The following KCNQ1 variants were observed in gnomAD, a reference collection of about 807,000 sequenced individuals.
The protein encoded by KCNQ1 is potassium voltage-gated channel subfamily KQT member 1.
Under a neutral mutation model 72.4 loss-of-function variants are expected in KCNQ1, and 49 were observed. The observed-to-expected ratio is 0.68, with a 90% CI of 0.54 to 0.86. KCNQ1 has a LOEUF of 0.86. Ranked by LOEUF, KCNQ1 falls within the 40% of genes least tolerant of loss-of-function variation. KCNQ1 has a pLI of 0.00. For synonymous variants in KCNQ1, 450 were observed against 412.6 expected (o/e 1.09, Z -1.10); for missense variants, 790 against 945.1 (o/e 0.84, Z 2.15).
rs527870400 is a variant in KCNQ1 at position 2,760,962 on chromosome 11, G to A, written c.1515-7882G>A. Among the ~76,000 whole-genome samples, 15 of 152,332 alleles carry A rather than the reference G, an allele frequency of 9.8e-5. No individual in the cohort carries two copies. In the South Asian group the frequency reaches 2.3e-3, roughly 23 times the overall value. On this transcript the variant is annotated intron_variant, in intron 11 of 15. Coordinates refer to ENST00000155840, the MANE Select transcript of KCNQ1 (RefSeq NM_000218.3). ...TTACAGGGTGCTCTTTAGTTTAGCC[G>A]TCCATAGACAGCTTGCGTTAGTCAG...
In KCNQ1 at chr11:2,516,781, A is replaced by G. The variant is rs1458810042; in HGVS notation, c.387-11147A>G. ...GGCCACCTGCCCCACCACGCCTAGG[A>G]CATTTCCTCTCTGGCCCAGAGGTGT... On this transcript the variant is annotated intron_variant, in intron 1 of 15. Coordinates refer to ENST00000155840, the MANE Select transcript of KCNQ1 (RefSeq NM_000218.3). This position sits in a 1 kb window ranked among gnomAD's most constrained non-coding sequence, Gnocchi z 7.0. Among the ~76,000 whole-genome samples the G allele has an allele frequency of 6.6e-6, 1 of 152,134 alleles. No individual in the cohort carries two copies. The highest frequency in any genetic ancestry group is 1.5e-5 in the Non-Finnish European group (1 of 68,018).
At position 2,537,185 on chromosome 11, in the gene KCNQ1, C is replaced by A. The variant is rs1487699335; in HGVS notation, c.477+9167C>A. ...AAACCATGGCCCACAGGGTGGCTCC[C>A]TGTGTGTGTAAATAAAGCTTTATTA... On this transcript the variant is annotated intron_variant, in intron 2 of 15. Transcript: ENST00000155840. The surrounding 1 kb of genome is among the most constrained non-coding windows in gnomAD (Gnocchi z 5.2). Among the ~76,000 whole-genome samples the A allele has an allele frequency of 1.3e-5, 2 of 151,956 alleles. No individual in the cohort carries two copies. The highest frequency in any genetic ancestry group is 2.9e-5 in the Non-Finnish European group (2 of 68,020).
Position 2,809,751 on chromosome 11 carries a change from A to G in KCNQ1, c.1794+31714A>G, listed in dbSNP as rs553487556. Reference sequence around the variant, plus strand: ...ACTCCAGGCCAGAGCCCTTCTCTCAAATCCCCTTTGGTTCTAGCCATGTTT... The same window carrying G: ...ACTCCAGGCCAGAGCCCTTCTCTCAGATCCCCTTTGGTTCTAGCCATGTTT... On this transcript the variant is annotated intron_variant, in intron 15 of 15. Transcript: ENST00000155840. The surrounding 1 kb of genome is among the most constrained non-coding windows in gnomAD (Gnocchi z 7.1). Among the ~76,000 whole-genome samples the G allele has an allele frequency of 1.3e-5, 2 of 152,192 alleles. No individual in the cohort carries two copies. The highest frequency in any genetic ancestry group is 2.1e-4 in the South Asian group (1 of 4,826).
At chr11:2,532,935 C>T (rs966667786) in intron 2 of KCNQ1, among the ~76,000 whole-genome samples, 2 of 152,106 alleles carry the variant, frequency 1.3e-5, no homozygotes, top group Non-Finnish European at 2.9e-5. Flanking sequence ...TGGGGCCAGG[C>T]GGCGGGAAGG....
intron 11 of KCNQ1, among the ~76,000 whole-genome samples, chr11:2,729,733 CG>C (rs1299441664): frequency 6.6e-6 from 1 of 152,098 alleles, no homozygotes; most frequent in African/African-American, 2.4e-5. Flanking sequence ...CATTTCGTAT[CG>C]GGGGCTTGAG....
Position 2,781,623 on chromosome 11 carries a change from C to T in KCNQ1, c.1794+3586C>T, listed in dbSNP as rs1251958852. The stretch of plus-strand genomic sequence containing the variant: ...TCTGAGGAATCGATGGCAGAGGCCG[C>T]TCCAGCCCTCCTCCCCCAGCAAGTA... On this transcript the variant is annotated intron_variant, in intron 15 of 15. Transcript: ENST00000155840. The surrounding 1 kb of genome is among the most constrained non-coding windows in gnomAD (Gnocchi z 6.6). 6.6e-6 allele frequency among the ~76,000 whole-genome samples: 1 copy of T among 152,244 alleles called. No individual in the cohort carries two copies. The highest frequency in any genetic ancestry group is 1.5e-5 in the Non-Finnish European group (1 of 68,034).
In KCNQ1 at chr11:2,691,056, A is replaced by G. The variant is rs7939976; in HGVS notation, c.1514+28975A>G. The G allele has an allele frequency of 0.19, 74,389 of 398,444 alleles. 7,702 individuals carry two copies. Among genetic ancestry groups the G allele is most frequent in the African/African-American group, 0.3 (14,445 of 48,648 alleles). The allele number at this position is 398,444 out of a possible 1,614,324, so 24.7% of individuals were successfully genotyped here. A position where few individuals can be genotyped will look rare whatever the true frequency, so the allele number is the denominator to read the frequency against. On this transcript the variant is annotated intron_variant, in intron 11 of 15. Coordinates refer to ENST00000155840, the MANE Select transcript of KCNQ1 (RefSeq NM_000218.3). The surrounding 1 kb of genome is among the most constrained non-coding windows in gnomAD (Gnocchi z 6.4). The stretch of plus-strand genomic sequence containing the variant: ...GTATCAGGATATGCTGGGTGAGGGA[A>G]ATAATGGAGGCACCTTTGTTCTAGA...
chr11:2,707,176 G>A (rs1374906637), intron 11 of KCNQ1, among the ~76,000 whole-genome samples: 1 of 152,116 alleles, frequency 6.6e-6, no homozygotes, highest in Non-Finnish European at 1.5e-5. Context: ...GGTGTGATGG[G>A]GTGGTGATGG....
Position 2,613,712 on chromosome 11 carries a change from A to G in KCNQ1, c.1393+24858A>G. The G allele has an allele frequency of 2.5e-6, 1 of 398,550 alleles. No homozygotes were observed. The highest frequency in any genetic ancestry group is 4.4e-6 in the Non-Finnish European group (1 of 226,048). The allele number at this position is 398,550 out of a possible 1,614,324, so 24.7% of individuals were successfully genotyped here. ...TGTTAATTTTATTTTTTGAATACAT[A>G]TAACATTAACATACTTCCAAAAGTC... is the stretch of plus-strand genomic sequence containing the variant. On this transcript the variant is annotated intron_variant, in intron 10 of 15. Coordinates refer to ENST00000155840, the MANE Select transcript of KCNQ1 (RefSeq NM_000218.3). This position sits in a 1 kb window ranked among gnomAD's most constrained non-coding sequence, Gnocchi z 4.8.
At chr11:2,765,963 CCTTT>C (rs1846491325) in intron 11 of KCNQ1, among the ~76,000 whole-genome samples, 1 of 152,084 alleles carries the variant, frequency 6.6e-6, no homozygotes, top group Non-Finnish European at 1.5e-5. Flanking sequence ...TTCATCTCTT[CCTTT>C]AAGTCTATTT....
In KCNQ1 at chr11:2,661,904, C is replaced by T; in HGVS notation, c.1394-57C>T. The stretch of plus-strand genomic sequence containing the variant: ...CTGGGAGCTCACAGGCCTGGCTCCA[C>T]AGCACTGGCAGGTTGGGTGGGAGGC... On this transcript the variant is annotated intron_variant, in intron 10 of 15. Transcript: ENST00000155840. This position sits in a 1 kb window ranked among gnomAD's most constrained non-coding sequence, Gnocchi z 5.9. The T allele has an allele frequency of 3.1e-6, 5 of 1,612,670 alleles. No homozygotes were observed. The highest frequency in any genetic ancestry group is 4.2e-6 in the Non-Finnish European group (5 of 1,178,984).
At chr11:2,829,837 A>C (rs563974988) in intron 15 of KCNQ1, among the ~76,000 whole-genome samples, 126 of 151,922 alleles carry the variant, frequency 8.3e-4, no homozygotes, top group African/African-American at 3.0e-3. Flanking sequence ...AAGGCTGTTT[A>C]AAGATGGGAG....
intron 10 of KCNQ1, chr11:2,646,307 C>T (rs949009905): frequency 2.5e-6 from 1 of 398,460 alleles, no homozygotes; most frequent in Admixed American, 4.4e-5. Flanking sequence ...TAAATATGAT[C>T]ATTTTAACAT....
chr11:2,696,476 G>A, intron 11 of KCNQ1: 2 of 398,660 alleles, frequency 5.0e-6, no homozygotes, highest in Non-Finnish European at 8.8e-6. Context: ...GCTGAAGTTG[G>A]CGTGTGCCCT....
In KCNQ1 at chr11:2,508,562, C is replaced by T. The variant is rs1370901154; in HGVS notation, c.387-19366C>T. ...CCTGAGAGGTTTCGGGGCAGGGTCC[C>T]AGCCTCCATGTACGGGGCTGGGACC... On this transcript the variant is annotated intron_variant, in intron 1 of 15. Transcript: ENST00000155840. The surrounding 1 kb of genome is among the most constrained non-coding windows in gnomAD (Gnocchi z 6.2). Among the ~76,000 whole-genome samples the T allele has an allele frequency of 1.3e-5, 2 of 152,064 alleles. No individual in the cohort carries two copies. Among genetic ancestry groups the T allele is most frequent in the Non-Finnish European group, 2.9e-5 (2 of 67,990 alleles).
At position 2,683,644 on chromosome 11, in the gene KCNQ1, G is replaced by A. The variant is rs1460520406; in HGVS notation, c.1514+21563G>A. ...CAACTGGGCCCTGCATCTGCTGCAA[G>A]GAACATCCCTTACTTTCCCATCTCA... On this transcript the variant is annotated intron_variant, in intron 11 of 15. Transcript: ENST00000155840. This position sits in a 1 kb window ranked among gnomAD's most constrained non-coding sequence, Gnocchi z 4.7. 1.0e-5 allele frequency: 4 copies of A among 398,506 alleles called. No individual in the cohort carries two copies. Among genetic ancestry groups the A allele is most frequent in the Non-Finnish European group, 1.8e-5 (4 of 226,078 alleles). The allele number at this position is 398,506 out of a possible 1,614,324, so 24.7% of individuals were successfully genotyped here. A position where few individuals can be genotyped will look rare whatever the true frequency, so the allele number is the denominator to read the frequency against.
chr11:2,460,829 G>C lies in KCNQ1; in HGVS notation c.386+15345G>C, dbSNP rs144074919. Among the ~76,000 whole-genome samples the C allele has an allele frequency of 3.2e-3, 482 of 152,348 alleles. 5 individuals are homozygous for C. Among genetic ancestry groups the C allele is most frequent in the African/African-American group, 0.011 (467 of 41,588 alleles). On this transcript the variant is annotated intron_variant, in intron 1 of 15. Coordinates refer to ENST00000155840, the MANE Select transcript of KCNQ1 (RefSeq NM_000218.3). Reference sequence around the variant, plus strand: ...TCTCTGGCCCCAAAGACTGCTTCAAGCCTCTGGAGGAGCACTTTGCCCCAG... The same window carrying C: ...TCTCTGGCCCCAAAGACTGCTTCAACCCTCTGGAGGAGCACTTTGCCCCAG...
chr11:2,685,207 C>T (rs1850464426), intron 11 of KCNQ1: 2 of 398,568 alleles, frequency 5.0e-6, no homozygotes, highest in Admixed American at 8.8e-5. Context: ...ATGGCTGGCA[C>T]AGCTCACACA....
chr11:2,838,593 G>A (rs886208936), intron 15 of KCNQ1, among the ~76,000 whole-genome samples: 1 of 152,112 alleles, frequency 6.6e-6, no homozygotes, highest in African/African-American at 2.4e-5. Context: ...CTAGGGGCTG[G>A]TGCGCTCAGA....
Sources: allele counts gnomAD v4.1 joint callset (sites outside exome capture counted in the v4.1 genomes callset), GRCh38; gene constraint gnomAD v4.1.1; non-coding constraint Gnocchi (gnomAD v3.1); transcripts MANE v1.5; gene names NCBI Gene and HGNC (gene_info 2026-07-23, HGNC 2026-07-21).